GRID1: variants seen among roughly 807,000 people sequenced by gnomAD.
GRID1 encodes glutamate ionotropic receptor delta type subunit 1.
In GRID1, 28 loss-of-function variants were observed where a neutral mutation model predicts 98.0. The ratio of observed to expected loss-of-function variants is 0.29; its 90% CI spans 0.21 to 0.39. The LOEUF is 0.39. Among genes scored for constraint, GRID1 ranks in the 10% least tolerant of loss-of-function variants. The pLI is 1.00. For synonymous variants in GRID1, 553 were observed against 538.5 expected, an observed-to-expected ratio of 1.03 and a Z score of -0.37; for missense variants, 1,111 against 1,340.5, an observed-to-expected ratio of 0.83 and a Z score of 2.67.
At chr10:86,304,802 G>A (rs918343358) in intron 2 of GRID1, among the ~76,000 whole-genome samples, 19 of 152,178 alleles carry the variant, frequency 1.2e-4, no homozygotes, top group Admixed American at 1.1e-3. Context: ...AACTCAGGCT[G>A]GCAAACTTCA....
intron 4 of GRID1, among the ~76,000 whole-genome samples, chr10:86,076,735 A>G (rs1370546628): frequency 6.6e-6 from 1 of 151,382 alleles, no homozygotes; most frequent in Non-Finnish European, 1.5e-5. Context: ...CATGGCGAGC[A>G]ATCTGTTGGC....
chr10:86,139,062 C>G (rs768354979), intron 3 of GRID1, 38 bp from the exon 4 acceptor site: 2 of 1,470,984 alleles, frequency 1.4e-6, no homozygotes, highest in Admixed American at 3.4e-5. Flanking sequence ...GAAAAATCAT[C>G]TTTAAGTGGG....
chr10:85,751,881 A>G (rs1015773015), intron 8 of GRID1, among the ~76,000 whole-genome samples: 54 of 152,196 alleles, frequency 3.5e-4, no homozygotes, highest in African/African-American at 1.3e-3. Context: ...ATTTTAAATA[A>G]AGTGAAATTT....
chr10:85,974,879 A>T (rs765868019), intron 4 of GRID1, among the ~76,000 whole-genome samples: 1 of 152,130 alleles, frequency 6.6e-6, no homozygotes, highest in Non-Finnish European at 1.5e-5. Flanking sequence ...CCCACCTTGG[A>T]CTCCCAAAGT....
At chr10:85,731,754 A>G (rs944507167) in intron 8 of GRID1, among the ~76,000 whole-genome samples, 19 of 140,528 alleles carry the variant, frequency 1.4e-4, no homozygotes, top group African/African-American at 4.9e-4. Context: ...GGGAGCCACA[A>G]TTGTGCCACT....
chr10:85,885,266 GC>G (rs1198258155), intron 5 of GRID1, among the ~76,000 whole-genome samples: 2 of 152,172 alleles, frequency 1.3e-5, no homozygotes, highest in African/African-American at 4.8e-5. Context: ...CTGATTCGAA[GC>G]AAAACTGTCC....
intron 13 of GRID1, among the ~76,000 whole-genome samples, chr10:85,623,943 T>C (rs1842883596): frequency 6.6e-6 from 1 of 152,212 alleles, no homozygotes; most frequent in Non-Finnish European, 1.5e-5. Flanking sequence ...GGGAGGAGGA[T>C]GAACCCAGCC....
chr10:86,119,813 C>T (rs775648188), intron 4 of GRID1, among the ~76,000 whole-genome samples: 3 of 152,042 alleles, frequency 2.0e-5, no homozygotes, highest in Non-Finnish European at 4.4e-5. Flanking sequence ...TTTTTTGAGA[C>T]AGAGTCTCAC....
intron 2 of GRID1, among the ~76,000 whole-genome samples, chr10:86,230,271 A>G (rs191012953): frequency 6.6e-6 from 1 of 152,168 alleles, no homozygotes; most frequent in African/African-American, 2.4e-5. Flanking sequence ...TCATATCAAG[A>G]ACTACGGAGG....
intron 3 of GRID1, among the ~76,000 whole-genome samples, chr10:86,145,397 A>AT (rs1246771263): frequency 5.3e-5 from 8 of 151,998 alleles, no homozygotes; most frequent in Non-Finnish European, 1.0e-4. Context: ...TCATTTTTGT[A>AT]TTTTTTGTAG....
At chr10:86,017,851 G>A (rs1449192791) in intron 4 of GRID1, among the ~76,000 whole-genome samples, 2 of 152,180 alleles carry the variant, frequency 1.3e-5, no homozygotes, top group Non-Finnish European at 1.5e-5. Flanking sequence ...GTCCAGCCTG[G>A]GCCTTGCAAA....
At chr10:86,170,276 C>T (rs1256454898) in intron 3 of GRID1, among the ~76,000 whole-genome samples, 6 of 152,204 alleles carry the variant, frequency 3.9e-5, no homozygotes, top group South Asian at 2.1e-4. Flanking sequence ...AGCCAGCAGG[C>T]GGATGGCATG....
At chr10:85,912,061 G>A (rs1408177510) in intron 5 of GRID1, among the ~76,000 whole-genome samples, 1 of 152,176 alleles carries the variant, frequency 6.6e-6, no homozygotes, top group African/African-American at 2.4e-5. Context: ...TCTACACTAT[G>A]TACATTGACC....
chr10:86,173,675 T>C (rs1025201720), intron 3 of GRID1, among the ~76,000 whole-genome samples: 1 of 151,626 alleles, frequency 6.6e-6, no homozygotes, highest in Admixed American at 6.6e-5. Context: ...GCTGCACCCA[T>C]TAACTCGTCA....
intron 2 of GRID1, chr10:86,264,760 C>G (rs1026858249): frequency 2.0e-6 from 1 of 494,394 alleles, no homozygotes; most frequent in Admixed American, 2.2e-5. Context: ...GGCAGGCATG[C>G]GGGCAGACAG....
chr10:86,082,818 T>C (rs1294663514), intron 4 of GRID1, among the ~76,000 whole-genome samples: 1 of 152,206 alleles, frequency 6.6e-6, no homozygotes, highest in African/African-American at 2.4e-5. Flanking sequence ...GCCTGCACTG[T>C]CCTGCCCCCT....
intron 4 of GRID1, among the ~76,000 whole-genome samples, chr10:86,063,442 CA>C (rs1589357794): frequency 6.6e-6 from 1 of 152,170 alleles, no homozygotes; most frequent in East Asian, 1.9e-4. Flanking sequence ...CCAATAACTA[CA>C]GTGCCCAGAC....
chr10:86,358,802 A>T (rs1443390416), intron 2 of GRID1, among the ~76,000 whole-genome samples: 1 of 151,758 alleles, frequency 6.6e-6, no homozygotes, highest in Admixed American at 6.6e-5. Flanking sequence ...GGGATTATCC[A>T]GATGGGCCCA....
intron 8 of GRID1, among the ~76,000 whole-genome samples, chr10:85,765,747 C>T (rs1842191796): frequency 6.6e-6 from 1 of 152,208 alleles, no homozygotes; most frequent in Admixed American, 6.5e-5. Context: ...TGGTCCCAAG[C>T]ATTTCGGATA....
Sources: gnomAD v4.1 joint callset for allele counts (sites outside exome capture counted in the v4.1 genomes callset) on GRCh38, gnomAD v4.1.1 for gene constraint, MANE v1.5 for transcripts, NCBI Gene and HGNC (gene_info 2026-07-23, HGNC 2026-07-21) for gene names.